RAPGEF6: variants seen among roughly 807,000 people sequenced by gnomAD.
The protein encoded by RAPGEF6 is PDZ domain containing guanine nucleotide exchange factor (GEF) 2.
In RAPGEF6, 56 loss-of-function variants were observed where a neutral mutation model predicts 171.4. That is an observed-to-expected ratio of 0.33 (90% CI 0.26 to 0.41). The LOEUF is 0.41. Among genes scored for constraint, RAPGEF6 ranks in the 10% least tolerant of loss-of-function variants. RAPGEF6 has a pLI of 1.00. For synonymous variants in RAPGEF6, 692 were observed against 650.1 expected (o/e 1.06, Z -0.98); for missense variants, 1,674 against 1,921.4 (o/e 0.87, Z 2.41).
At chr5:131,485,820 T>C (rs1479590808) in intron 15 of RAPGEF6, among the ~76,000 whole-genome samples, 1 of 152,192 alleles carries the variant, frequency 6.6e-6, no homozygotes, top group East Asian at 1.9e-4. Flanking sequence ...ATTTTTATCT[T>C]CATGGACATA....
chr5:131,454,338 C>T (rs1277377909), intron 20 of RAPGEF6, among the ~76,000 whole-genome samples: 2 of 152,150 alleles, frequency 1.3e-5, no homozygotes, highest in Non-Finnish European at 2.9e-5. Context: ...TATGGAACAT[C>T]ATTCAAAAAG....
rs950922063 is a variant in RAPGEF6, at chr5:131,635,210, G to C, written c.-180C>G. On this transcript the variant is annotated 5_prime_UTR_variant, in exon 1 of 28. Transcript: ENST00000509018. ...CCGCCTAAGGCCTCTACCCACGCGC[G>C]ACTGGCCGGAGACAAGTCTGCGCGG... The C allele has an allele frequency of 6.6e-6, 4 of 603,896 alleles. No homozygotes were observed. The African/African-American group carries it at 7.6e-5, about 11-fold the overall frequency. 37.4% of individuals were successfully genotyped at this position (603,896 alleles called of 1,614,324 possible).
chr5:131,528,313 T>TAATATATATATATATA (rs1251388931), intron 6 of RAPGEF6, among the ~76,000 whole-genome samples: 3 of 48,846 alleles, frequency 6.1e-5, no homozygotes, highest in South Asian at 6.5e-4. Flanking sequence ...TATATTTATA[T>TAATATATATATATATA]TATATATATA....
chr5:131,472,794 T>C, intron 16 of RAPGEF6, 50 bp from the exon 17 acceptor site: 2 of 1,499,554 alleles, frequency 1.3e-6, no homozygotes, highest in Non-Finnish European at 1.8e-6. Context: ...AGTACTTAAG[T>C]AGTAAACGTT....
At chr5:131,528,799 G>A (rs115661461) in intron 6 of RAPGEF6, among the ~76,000 whole-genome samples, 1 of 151,962 alleles carries the variant, frequency 6.6e-6, no homozygotes, top group Non-Finnish European at 1.5e-5. Flanking sequence ...GTGGAGGAGG[G>A]AGCATAAACT....
chr5:131,593,588 A>G (rs1398541362), intron 3 of RAPGEF6, among the ~76,000 whole-genome samples: 1 of 152,250 alleles, frequency 6.6e-6, no homozygotes, highest in African/African-American at 2.4e-5. Flanking sequence ...TTTGACCAAA[A>G]TACTGATAAG....
intron 17 of RAPGEF6, 46 bp downstream of exon 17, chr5:131,472,541 T>C: frequency 6.3e-7 from 1 of 1,577,510 alleles, no homozygotes; most frequent in Non-Finnish European, 8.7e-7. Context: ...ATCTATTTGT[T>C]CATTTGGTAC....
chr5:131,615,571 G>A (rs542628698), intron 1 of RAPGEF6, among the ~76,000 whole-genome samples: 2 of 152,244 alleles, frequency 1.3e-5, no homozygotes, highest in South Asian at 2.1e-4. Flanking sequence ...AATCATTTAC[G>A]CTGAATGCAC....
chr5:131,582,450 A>T (rs114494372), intron 4 of RAPGEF6, among the ~76,000 whole-genome samples: 2,673 of 152,360 alleles, frequency 0.018, 37 homozygotes, highest in Non-Finnish European at 0.027. Flanking sequence ...GTTTAAATAG[A>T]TCACACACCT....
At chr5:131,542,659 T>C (rs1760232813) in intron 6 of RAPGEF6, among the ~76,000 whole-genome samples, 1 of 152,206 alleles carries the variant, frequency 6.6e-6, no homozygotes, top group Admixed American at 6.5e-5. Flanking sequence ...CAAGATATTA[T>C]GGGAGTGCAG....
chr5:131,547,981 T>G (rs1760661137), intron 6 of RAPGEF6, 66 bp downstream of exon 6: 1 of 1,531,404 alleles, frequency 6.5e-7, no homozygotes, highest in Non-Finnish European at 8.9e-7. Context: ...CAAAGATACA[T>G]GTAAATTAAA....
chr5:131,446,763 T>C lies in RAPGEF6; in HGVS notation c.3201-60A>G, dbSNP rs970789469. On this transcript the variant is annotated intron_variant, in intron 21 of 27. Transcript: ENST00000509018. ...AGAGATGAGAACTAAGCATAGCAGA[T>C]TGAAGATTAAAAGATTTTGTTCTGT... 3.3e-5 allele frequency: 48 copies of C among 1,438,268 alleles called. No individual in the cohort carries two copies. In the African/African-American group the frequency reaches 4.3e-4, roughly 13 times the overall value. 89.1% of individuals were successfully genotyped at this position (1,438,268 alleles called of 1,614,324 possible).
rs184630101 is a variant in RAPGEF6 at position 131,625,024 on chromosome 5, G to A, written c.69+9938C>T. Among the ~76,000 whole-genome samples, 649 of 152,288 alleles carry A rather than the reference G, an allele frequency of 4.3e-3. 2 individuals are homozygous for A. The highest frequency in any genetic ancestry group is 6.8e-3 in the Middle Eastern group (2 of 294). ...CACACCTGTAATCCCAGCACTTTGG[G>A]AGGCCGAGGCGGGCAGATCATGAGG... On this transcript the variant is annotated intron_variant, in intron 1 of 27. Coordinates refer to ENST00000509018, the MANE Select transcript of RAPGEF6 (RefSeq NM_016340.6).
chr5:131,551,619 A>G (rs1760933168), intron 5 of RAPGEF6, among the ~76,000 whole-genome samples: 1 of 152,178 alleles, frequency 6.6e-6, no homozygotes, highest in African/African-American at 2.4e-5. Flanking sequence ...CAAAAGATAA[A>G]AGAGATTATC....
At chr5:131,585,075 T>C (rs1763166249) in intron 4 of RAPGEF6, among the ~76,000 whole-genome samples, 2 of 152,146 alleles carry the variant, frequency 1.3e-5, no homozygotes, top group Admixed American at 6.5e-5. Flanking sequence ...TCATTATTCA[T>C]CAAAAACATG....
chr5:131,633,081 C>T (rs1290423594), intron 1 of RAPGEF6, among the ~76,000 whole-genome samples: 2 of 152,162 alleles, frequency 1.3e-5, no homozygotes, highest in Non-Finnish European at 2.9e-5. Flanking sequence ...CACCTATAAT[C>T]CCAGCACTTT....
chr5:131,431,042 G>A lies in RAPGEF6; in HGVS notation c.4282C>T (p.Leu1428=). Residue 1428 remains leucine, a synonymous_variant, in exon 26 of 28, where the codon CTA becomes TTA. Transcript: ENST00000509018. ...SRTCGQCKGS[L]ERKSWTSSSS... is the part of the protein sequence containing the mutation. ...GAGGAGGTCCAACTCTTTCTCTCTA[G>A]GCTTCCTTTACACTGCCCACAAGTT... is the stretch of plus-strand genomic sequence containing the variant. The A allele has an allele frequency of 1.2e-6, 2 of 1,614,092 alleles. No homozygotes were observed. The highest frequency in any genetic ancestry group is 1.7e-6 in the Non-Finnish European group (2 of 1,179,998).
intron 6 of RAPGEF6, among the ~76,000 whole-genome samples, chr5:131,527,602 C>T (rs1222042696): frequency 6.6e-6 from 1 of 152,056 alleles, no homozygotes; most frequent in Non-Finnish European, 1.5e-5. Context: ...GTTAAGATCA[C>T]TCTGGAAGCA....
At position 131,479,577 on chromosome 5, in the gene RAPGEF6, T is replaced by G. The variant is rs1178030207; in HGVS notation, c.2017A>C (p.Arg673=). ...TCCAAAATCTTCCTGATTTTGTTTC[T>G]TCCACCTGAAACAGTATTTGCTTTA... ...KVKANTVSGG[R]NKIRKILDKT... The change falls in exon 16 of 28, where the codon AGA becomes CGA. Residue 673 remains arginine (R), a synonymous_variant. Transcript: ENST00000509018. 2 of 1,614,018 alleles carry G rather than the reference T, an allele frequency of 1.2e-6. No individual in the cohort carries two copies.
Sources: gnomAD v4.1 joint callset for allele counts (sites outside exome capture counted in the v4.1 genomes callset) on GRCh38, gnomAD v4.1.1 for gene constraint, MANE v1.5 for transcripts, NCBI Gene and HGNC (gene_info 2026-07-23, HGNC 2026-07-21) for gene names.